The following SEMA3C variants were observed in gnomAD, a reference collection of about 807,000 sequenced individuals.
SEMA3C encodes the protein semaphorin 3C, also known as semaphorin-3C.
In SEMA3C, 47 loss-of-function variants were observed where a neutral mutation model predicts 89.4. The ratio of observed to expected loss-of-function variants is 0.53; its 90% CI spans 0.42 to 0.67. SEMA3C has a LOEUF of 0.67. Ranked by LOEUF, SEMA3C falls within the 30% of genes least tolerant of loss-of-function variation. The pLI, the probability that SEMA3C is intolerant of heterozygous loss-of-function variation, is 0.00. For synonymous variants in SEMA3C, 310 were observed against 320.2 expected (o/e 0.97, Z 0.34); for missense variants, 839 against 929.1 (o/e 0.90, Z 1.26).
intron 2 of SEMA3C, among the ~76,000 whole-genome samples, chr7:80,888,925 G>A (rs1362558536): frequency 5.9e-5 from 9 of 152,044 alleles, no homozygotes; most frequent in African/African-American, 1.7e-4. Flanking sequence ...GTGCAAGGGC[G>A]CGATCTCTGC....
At chr7:80,904,592 T>G (rs932418733) in intron 2 of SEMA3C, among the ~76,000 whole-genome samples, 1 of 152,210 alleles carries the variant, frequency 6.6e-6, no homozygotes, top group Non-Finnish European at 1.5e-5. Context: ...GGCTAAACTT[T>G]AATTTTTAGT....
chr7:80,774,647 A>G (rs1405657678), intron 12 of SEMA3C, among the ~76,000 whole-genome samples: 1 of 152,154 alleles, frequency 6.6e-6, no homozygotes, highest in Admixed American at 6.6e-5. Context: ...ATGAACTTGA[A>G]GACAGATTAT....
intron 1 of SEMA3C, 73 bp downstream of exon 1, chr7:80,918,755 A>G: frequency 2.2e-6 from 2 of 924,090 alleles, no homozygotes; most frequent in South Asian, 5.0e-5. Context: ...CAATGTATGA[A>G]AAATCAATAT....
At chr7:80,816,377 TTAATAA>T (rs1373371394) in intron 5 of SEMA3C, among the ~76,000 whole-genome samples, 1 of 152,164 alleles carries the variant, frequency 6.6e-6, no homozygotes, top group Admixed American at 6.5e-5. Context: ...ATGTCATCTC[TTAATAA>T]TAATACAAGA....
chr7:80,860,117 T>G (rs990481365), intron 2 of SEMA3C, among the ~76,000 whole-genome samples: 12 of 152,138 alleles, frequency 7.9e-5, no homozygotes, highest in African/African-American at 2.9e-4. Flanking sequence ...CAAATACGTA[T>G]AGACTAGTGT....
At chr7:80,839,765 C>T (rs1025619687) in intron 2 of SEMA3C, among the ~76,000 whole-genome samples, 1 of 151,874 alleles carries the variant, frequency 6.6e-6, no homozygotes, top group Non-Finnish European at 1.5e-5. Context: ...GATGACCTGA[C>T]ATGGTATATC....
intron 2 of SEMA3C, among the ~76,000 whole-genome samples, chr7:80,857,303 G>A (rs1221015299): frequency 1.3e-5 from 2 of 152,076 alleles, no homozygotes; most frequent in Non-Finnish European, 2.9e-5. Context: ...AAGGAAATTT[G>A]AATTTTCAGG....
chr7:80,825,383 A>G (rs1388647826), intron 4 of SEMA3C, among the ~76,000 whole-genome samples: 1 of 152,194 alleles, frequency 6.6e-6, no homozygotes, highest in East Asian at 1.9e-4. Flanking sequence ...AGAGCACTCC[A>G]TTAGATATTT....
Position 80,800,793 on chromosome 7 carries a change from C to A in SEMA3C, c.950G>T (p.Arg317Met). 3 of 1,514,554 alleles carry A rather than the reference C, an allele frequency of 2.0e-6. No homozygotes were observed. The highest frequency in any genetic ancestry group is 2.6e-6 in the Non-Finnish European group (3 of 1,136,762). The allele number at this position is 1,514,554 out of a possible 1,614,324, so 93.8% of individuals were successfully genotyped here. A position where few individuals can be genotyped will look rare whatever the true frequency, so the allele number is the denominator to read the frequency against. The change falls in exon 10 of 18, where the codon AGG becomes ATG. Residue 317 changes from arginine (R) to methionine (M), a missense_variant. Arg to Met is a moderately conservative substitution (Grantham distance 91). Coordinates refer to ENST00000265361, the MANE Select transcript of SEMA3C (RefSeq NM_006379.5). ...DVFLLETDNP[R>M]TTLVYGIFTT... ...AAAAATGCCATACACTAGTGTTGTCCTCGGGTTATCAGTTTCCAGCAGAAA... is the reference window on the plus strand; with the variant it reads ...AAAAATGCCATACACTAGTGTTGTCATCGGGTTATCAGTTTCCAGCAGAAA...
chr7:80,871,199 C>T (rs1791049481), intron 2 of SEMA3C, among the ~76,000 whole-genome samples: 5 of 152,164 alleles, frequency 3.3e-5, no homozygotes, highest in Admixed American at 2.0e-4. Flanking sequence ...ATAAAAAAGT[C>T]AAGAGGGGAG....
intron 2 of SEMA3C, among the ~76,000 whole-genome samples, chr7:80,868,723 G>T (rs1280134320): frequency 3.9e-5 from 6 of 151,912 alleles, no homozygotes; most frequent in Non-Finnish European, 5.9e-5. Context: ...GGGAGGAGGG[G>T]GATTATAGTC....
At chr7:80,758,130 G>C (rs1020805534) in intron 15 of SEMA3C, among the ~76,000 whole-genome samples, 2 of 152,128 alleles carry the variant, frequency 1.3e-5, no homozygotes, top group South Asian at 2.1e-4. Context: ...CTGTACTCTG[G>C]ATTTACCATA....
chr7:80,829,579 G>A (rs1279195836), intron 2 of SEMA3C, among the ~76,000 whole-genome samples: 1 of 152,116 alleles, frequency 6.6e-6, no homozygotes, highest in Non-Finnish European at 1.5e-5. Context: ...AGGAGGCAAT[G>A]TTATTTTTAG....
At chr7:80,767,148 G>T (rs76019143) in intron 12 of SEMA3C, among the ~76,000 whole-genome samples, 1 of 152,080 alleles carries the variant, frequency 6.6e-6, no homozygotes, top group Admixed American at 6.5e-5. Context: ...TAAAACTTGC[G>T]TTGGTCTCTC....
At chr7:80,759,898 T>C (rs957749251) in intron 14 of SEMA3C, among the ~76,000 whole-genome samples, 17 of 152,196 alleles carry the variant, frequency 1.1e-4, no homozygotes, top group Admixed American at 3.3e-4. Context: ...TACAGCAAAT[T>C]TATCAGCTTC....
At chr7:80,825,302 T>A (rs1207438669) in intron 4 of SEMA3C, among the ~76,000 whole-genome samples, 1 of 152,170 alleles carries the variant, frequency 6.6e-6, no homozygotes, top group African/African-American at 2.4e-5. Flanking sequence ...TTGATTAGTA[T>A]TTCCCAGCAC....
intron 2 of SEMA3C, among the ~76,000 whole-genome samples, chr7:80,861,830 T>G (rs1217140791): frequency 6.6e-6 from 1 of 152,138 alleles, no homozygotes; most frequent in East Asian, 1.9e-4. Flanking sequence ...AAACAGATTT[T>G]AAAACCAAAA....
chr7:80,849,794 A>G (rs377257180), intron 2 of SEMA3C, among the ~76,000 whole-genome samples: 1 of 152,160 alleles, frequency 6.6e-6, no homozygotes, highest in Non-Finnish European at 1.5e-5. Context: ...GAAAAGAATG[A>G]TTTGTTAGAA....
At chr7:80,920,218 C>T (rs1211799241), upstream of SEMA3C, among the ~76,000 whole-genome samples, 2 of 151,858 alleles carry the variant, frequency 1.3e-5, no homozygotes, top group African/African-American at 4.8e-5. Flanking sequence ...AATTACTTCT[C>T]CGGACCACAA....
Sources: allele counts gnomAD v4.1 joint callset (sites outside exome capture counted in the v4.1 genomes callset), GRCh38; gene constraint gnomAD v4.1.1; transcripts MANE v1.5; gene names NCBI Gene and HGNC (gene_info 2026-07-23, HGNC 2026-07-21).